JAK2: variants seen among roughly 807,000 people sequenced by gnomAD.
JAK2 encodes Janus kinase 2.
JAK2 carries 86 observed loss-of-function variants against 139.3 expected under a neutral mutation model. That is an observed-to-expected ratio of 0.62 (90% CI 0.52 to 0.74). The LOEUF (loss-of-function observed/expected upper bound fraction) is 0.74, where lower values mean the gene tolerates loss of function less well. Ranked by LOEUF, JAK2 falls within the 30% of genes least tolerant of loss-of-function variation. The pLI is 0.00. For missense variants in JAK2, 1,421 were observed against 1,360.3 expected, an observed-to-expected ratio of 1.04 and a Z score of -0.70; for synonymous variants, 490 against 437.7, an observed-to-expected ratio of 1.12 and a Z score of -1.49.
intron 4 of JAK2, among the ~76,000 whole-genome samples, chr9:5,039,001 C>T (rs529346074): frequency 1.3e-5 from 2 of 152,060 alleles, no homozygotes; most frequent in African/African-American, 4.8e-5. Flanking sequence ...TGGCAAGGAA[C>T]TTCCTCAATT....
At chr9:5,087,862 C>T (rs1452922855) in intron 19 of JAK2, among the ~76,000 whole-genome samples, 2 of 152,090 alleles carry the variant, frequency 1.3e-5, no homozygotes, top group East Asian at 3.8e-4. Flanking sequence ...AATGACATGA[C>T]TGTATTTAAA....
chr9:5,062,618 TGC>T (rs1251269437), intron 8 of JAK2, among the ~76,000 whole-genome samples: 1 of 150,818 alleles, frequency 6.6e-6, no homozygotes, highest in Admixed American at 6.6e-5. Flanking sequence ...GTTAGTGAAC[TGC>T]TAGTTCAAAG....
In JAK2 at chr9:5,074,012, A is replaced by G. The variant is rs570293757; in HGVS notation, c.1864+227A>G. On this transcript the variant is annotated intron_variant, in intron 14 of 24. Coordinates refer to ENST00000381652, the MANE Select transcript of JAK2 (RefSeq NM_004972.4). Reference sequence around the variant, plus strand: ...GGTTACAATGCCCAAACAATAGAGTATTATAGTAAACAAATGTCTATAAAA... The same window carrying G: ...GGTTACAATGCCCAAACAATAGAGTGTTATAGTAAACAAATGTCTATAAAA... 5.3e-5 allele frequency among the ~76,000 whole-genome samples: 8 copies of G among 152,322 alleles called. No homozygotes were observed. The East Asian group carries it at 1.5e-3, about 29-fold the overall frequency.
At chr9:5,053,738 C>T (rs749543809) in intron 6 of JAK2, among the ~76,000 whole-genome samples, 9 of 151,522 alleles carry the variant, frequency 5.9e-5, no homozygotes, top group Admixed American at 2.6e-4. Flanking sequence ...ACATTTTATA[C>T]GGGACGGACA....
intron 22 of JAK2, chr9:5,100,824 CT>C (rs1439226338): frequency 6.6e-6 from 1 of 152,370 alleles, no homozygotes; most frequent in African/African-American, 2.4e-5. Flanking sequence ...GCTCAACATT[CT>C]TTACAGCCAC....
Position 5,088,216 on chromosome 9 carries a change from G to C in JAK2, c.2572-1458G>C, listed in dbSNP as rs200161908. ...ATATTCTAGTTCCAATCTGACTTGA[G>C]AGTCCTGGGTCTTGAGAGTCCTGGG... On this transcript the variant is annotated intron_variant, in intron 19 of 24. Coordinates refer to ENST00000381652, the MANE Select transcript of JAK2 (RefSeq NM_004972.4). 2.6e-5 allele frequency among the ~76,000 whole-genome samples: 4 copies of C among 152,088 alleles called. No individual in the cohort carries two copies. In the East Asian group the frequency reaches 7.7e-4, roughly 29 times the overall value.
chr9:5,080,416 C>A, intron 17 of JAK2, 36 bp downstream of exon 17: 1 of 1,557,430 alleles, frequency 6.4e-7, no homozygotes, highest in South Asian at 1.2e-5. Flanking sequence ...ATTACTCTAT[C>A]TCTGAACTTT....
intron 8 of JAK2, among the ~76,000 whole-genome samples, chr9:5,056,960 A>G (rs1172879152): frequency 3.3e-5 from 5 of 152,190 alleles, no homozygotes; most frequent in African/African-American, 7.2e-5. Context: ...TAAGTGTGAC[A>G]CTAACTTCTT....
intron 22 of JAK2, among the ~76,000 whole-genome samples, chr9:5,093,979 C>G (rs1383956906): frequency 6.6e-6 from 1 of 152,100 alleles, no homozygotes; most frequent in Admixed American, 6.5e-5. Context: ...ATAAATGATG[C>G]TATCTCAATC....
chr9:5,040,128 T>C (rs921499500), intron 4 of JAK2, among the ~76,000 whole-genome samples: 3 of 152,238 alleles, frequency 2.0e-5, no homozygotes, highest in Admixed American at 6.5e-5. Flanking sequence ...TGGAAAGGAA[T>C]TGACAGTCTC....
chr9:5,050,230 T>C (rs938641136), intron 5 of JAK2, among the ~76,000 whole-genome samples: 2 of 152,210 alleles, frequency 1.3e-5, no homozygotes, highest in African/African-American at 4.8e-5. Flanking sequence ...CATTTGCAAA[T>C]GAACTTTTAT....
intron 22 of JAK2, 112 bp downstream of exon 22, chr9:5,091,023 G>GTCTT: frequency 1.3e-6 from 1 of 786,416 alleles, no homozygotes; most frequent in Non-Finnish European, 2.0e-6. Context: ...GAACATTTAA[G>GTCTT]TCTTTTAAGT....
chr9:5,047,058 A>G (rs780355117), intron 5 of JAK2, among the ~76,000 whole-genome samples: 11 of 152,206 alleles, frequency 7.2e-5, no homozygotes, highest in Non-Finnish European at 1.3e-4. Context: ...TGGCAAGGTA[A>G]TTCCACCATA....
chr9:5,064,783 G>A, intron 8 of JAK2, 100 bp from the exon 9 acceptor site: 1 of 831,172 alleles, frequency 1.2e-6, no homozygotes, highest in Non-Finnish European at 1.8e-6. Context: ...GAGCAATTTA[G>A]AAGAAAATTG....
chr9:5,083,864 G>T (rs1220005119), intron 19 of JAK2, among the ~76,000 whole-genome samples: 1 of 152,080 alleles, frequency 6.6e-6, no homozygotes, highest in Non-Finnish European at 1.5e-5. Flanking sequence ...TCCATTTGTT[G>T]TAGTCTCTGC....
At chr9:5,058,299 G>C (rs1817910216) in intron 8 of JAK2, among the ~76,000 whole-genome samples, 1 of 152,166 alleles carries the variant, frequency 6.6e-6, no homozygotes, top group Admixed American at 6.5e-5. Flanking sequence ...AGTTCGGCAT[G>C]GCTGGCCCAG....
chr9:5,048,905 C>T (rs1200893084), intron 5 of JAK2, among the ~76,000 whole-genome samples: 1 of 152,006 alleles, frequency 6.6e-6, no homozygotes, highest in African/African-American at 2.4e-5. Context: ...TGGCTCTTAC[C>T]TTTTTTTCTA....
chr9:5,056,199 C>T (rs1430523936), intron 8 of JAK2, among the ~76,000 whole-genome samples: 1 of 151,986 alleles, frequency 6.6e-6, no homozygotes, highest in Non-Finnish European at 1.5e-5. Flanking sequence ...ATTTATATAA[C>T]AAAATGTAAA....
chr9:5,022,699 A>C (rs1822507728), intron 3 of JAK2, among the ~76,000 whole-genome samples: 1 of 151,980 alleles, frequency 6.6e-6, no homozygotes, highest in African/African-American at 2.4e-5. Context: ...AATCATTTTT[A>C]CTCTTGAGAC....
Sources: gnomAD v4.1 joint callset for allele counts (sites outside exome capture counted in the v4.1 genomes callset) on GRCh38, gnomAD v4.1.1 for gene constraint, MANE v1.5 for transcripts, NCBI Gene and HGNC (gene_info 2026-07-23, HGNC 2026-07-21) for gene names.